The following MYH2 variants were observed in gnomAD, a reference collection of about 807,000 sequenced individuals.
The protein encoded by MYH2 is myosin heavy chain 2.
In MYH2, 139 loss-of-function variants were observed where a neutral mutation model predicts 228.1. The ratio of observed to expected loss-of-function variants is 0.61; its 90% CI spans 0.53 to 0.70. The LOEUF is 0.70. Among genes scored for constraint, MYH2 ranks in the 30% least tolerant of loss-of-function variants. MYH2 has a pLI of 0.00. For synonymous variants in MYH2, 796 were observed against 871.1 expected, an observed-to-expected ratio of 0.91 and a Z score of 1.52; for missense variants, 1,809 against 2,357.5, an observed-to-expected ratio of 0.77 and a Z score of 4.82.
At chr17:10,533,485 C>T (rs200094888) in intron 20 of MYH2, 24 bp downstream of exon 20, 1 of 1,614,164 alleles carries the variant, frequency 6.2e-7, no homozygotes, top group East Asian at 2.2e-5. Flanking sequence ...GGAATAGCAT[C>T]AGGTAGGATT....
chr17:10,540,750 CAAG>C (rs2142315021), intron 10 of MYH2, 53 bp from the exon 11 acceptor site: 1 of 1,462,056 alleles, frequency 6.8e-7, no homozygotes, highest in East Asian at 2.3e-5. Context: ...TTCATTAAAA[CAAG>C]AGATTTCTAG....
chr17:10,542,945 G>A lies in MYH2; in HGVS notation c.834C>T (p.Phe278=), dbSNP rs370416173. ...TYLLEKSRVV[F]QLKAERSYHI... ...GATAACTTCTCTCAGCCTTAAGCTG[G>A]AAAACAACTCTAGACTTCTCTAGCA... The change falls in exon 10 of 40, where the codon TTC becomes TTT. Residue 278 remains phenylalanine, a synonymous_variant. Coordinates refer to ENST00000245503, the MANE Select transcript of MYH2 (RefSeq NM_017534.6). 2.9e-4 allele frequency: 464 copies of A among 1,612,760 alleles called. 1 individual carries two copies. The Middle Eastern group carries it at 3.3e-3, about 11-fold the overall frequency.
intron 17 of MYH2, 57 bp from the exon 18 acceptor site, chr17:10,535,422 C>T: frequency 7.1e-7 from 1 of 1,406,876 alleles, no homozygotes. Context: ...TATGAGCAGT[C>T]ATTGGTGTCT....
At position 10,549,623 on chromosome 17, in the gene MYH2, T is replaced by C. The variant is rs886052576; in HGVS notation, c.-64+13A>G. ...AGTGTCCCTCTTGAAAGGCCCGTCC[T>C]GCTCCCACTTACCTTGGAGCTTTTT... On this transcript the variant is annotated intron_variant, in intron 1 of 39. Coordinates refer to ENST00000245503, the MANE Select transcript of MYH2 (RefSeq NM_017534.6). 2.0e-5 allele frequency: 3 copies of C among 152,352 alleles called. No individual in the cohort carries two copies. Among genetic ancestry groups the C allele is most frequent in the South Asian group, 4.1e-4 (2 of 4,828 alleles). 9.4% of individuals were successfully genotyped at this position (152,352 alleles called of 1,614,324 possible).
At chr17:10,534,038 C>A (rs1023448810) in intron 19 of MYH2, among the ~76,000 whole-genome samples, 2 of 152,204 alleles carry the variant, frequency 1.3e-5, no homozygotes, top group African/African-American at 4.8e-5. Context: ...ATCCTAATCA[C>A]CTAAAATCAA....
intron 5 of MYH2, 50 bp from the exon 6 acceptor site, chr17:10,544,177 A>T: frequency 6.3e-7 from 1 of 1,592,082 alleles, no homozygotes; most frequent in Non-Finnish European, 8.6e-7. Context: ...CATATTTGTA[A>T]ATGATAAGTA....
chr17:10,545,693 T>C (rs2073620417), intron 4 of MYH2, among the ~76,000 whole-genome samples, 191 bp from the exon 5 acceptor site: 1 of 152,164 alleles, frequency 6.6e-6, no homozygotes, highest in Non-Finnish European at 1.5e-5. Context: ...CCCTTCCAAG[T>C]AGCTGGTACT....
At position 10,547,832 on chromosome 17, in the gene MYH2, C is replaced by T. The variant is rs2073655335; in HGVS notation, c.89G>A (p.Arg30Lys). 2 of 1,614,188 alleles carry T rather than the reference C, an allele frequency of 1.2e-6. No homozygotes were observed. Among genetic ancestry groups the T allele is most frequent in the Non-Finnish European group, 1.7e-6 (2 of 1,180,040 alleles). The change falls in exon 3 of 40, where the codon AGG becomes AAG. Residue 30 changes from arginine to lysine, a missense_variant. Transcript: ENST00000245503. ...SERERIEAQN[R>K]PFDAKTSVFV... ...GACAGATGTTTTGGCATCAAAGGGC[C>T]TATTCTGGGCCTCAATGCGCTCCCT...
rs56139789 is a variant in MYH2, at chr17:10,540,359, CA to C, written c.1008+234del. On this transcript the variant is annotated intron_variant, in intron 11 of 39. Transcript: ENST00000245503. ...GTAGGAATCTAATGCAAGTCAATTG[CA>C]AAAAAAAAAAAATAGTTTAGAAATT... is the stretch of plus-strand genomic sequence containing the variant. Among the ~76,000 whole-genome samples the C allele has an allele frequency of 0.12, 18,445 of 149,116 alleles. 2,933 individuals carry two copies. The highest frequency in any genetic ancestry group is 0.37 in the African/African-American group (15,027 of 40,602).
At position 10,523,799 on chromosome 17, in the gene MYH2, G is replaced by A. The variant is rs747877150; in HGVS notation, c.5261C>T (p.Ala1754Val). The stretch of plus-strand genomic sequence containing the variant: ...CTTGGCCTTTTCTTCTGCATTGCGG[G>A]CTTCCTGGAGAATGTCCTCCATCTC... ...QGEMEDILQE[A>V]RNAEEKAKKA... is the part of the protein sequence containing the mutation. Residue 1754 changes from alanine to valine, a missense_variant, in exon 36 of 40, where the codon GCC becomes GTC. Transcript: ENST00000245503. 7 of 1,614,082 alleles carry A rather than the reference G, an allele frequency of 4.3e-6. No homozygotes were observed. Among genetic ancestry groups the A allele is most frequent in the Non-Finnish European group, 5.9e-6 (7 of 1,180,050 alleles).
chr17:10,523,770 C>T lies in MYH2; in HGVS notation c.5290G>A (p.Ala1764Thr). ...ARNAEEKAKK[A>T]ITDAAMMAEE... ...TGCCTGCCACTCACATCAGTGATGG[C>T]CTTCTTGGCCTTTTCTTCTGCATTG... Residue 1764 changes from alanine to threonine, a missense_variant, in exon 36 of 40, where the codon GCC becomes ACC. Physicochemically the swap from Ala to Thr is moderately conservative, Grantham distance 58 (BLOSUM62 0). Around this residue, in one of 9 missense-constraint regions of MYH2, gnomAD observed 278 missense variants for 308.5 expected, o/e 0.90. Coordinates refer to ENST00000245503, the MANE Select transcript of MYH2 (RefSeq NM_017534.6). The T allele has an allele frequency of 6.2e-7, 1 of 1,614,144 alleles. No homozygotes were observed. Among genetic ancestry groups the T allele is most frequent in the South Asian group, 1.1e-5 (1 of 91,078 alleles).
chr17:10,527,061 T>G lies in MYH2; in HGVS notation c.3872-5A>C. On this transcript the variant is annotated splice_region_variant and splice_polypyrimidine_tract_variant and intron_variant, in intron 28 of 39. Coordinates refer to ENST00000245503, the MANE Select transcript of MYH2 (RefSeq NM_017534.6). ...CAAGCTGGCGTGAAAACTCACCTGA[T>G]GGACAAAAGAAATGGCACCATTTTT... 6.2e-7 allele frequency: 1 copy of G among 1,612,846 alleles called. No individual in the cohort carries two copies. Among genetic ancestry groups the G allele is most frequent in the East Asian group, 2.2e-5 (1 of 44,854 alleles).
chr17:10,536,017 T>G lies in MYH2; in HGVS notation c.1974+513A>C, dbSNP rs570834012. Among the ~76,000 whole-genome samples the G allele has an allele frequency of 3.9e-5, 6 of 152,360 alleles. No homozygotes were observed. The South Asian group carries it at 6.2e-4, about 16-fold the overall frequency. Reference sequence around the variant, plus strand: ...CTAGATTATGAATGGCAGAGTATTATGGTCTATAAGATTTTCTATAAAATA... The same window carrying G: ...CTAGATTATGAATGGCAGAGTATTAGGGTCTATAAGATTTTCTATAAAATA... On this transcript the variant is annotated intron_variant, in intron 17 of 39. Coordinates refer to ENST00000245503, the MANE Select transcript of MYH2 (RefSeq NM_017534.6).
At chr17:10,548,028 G>T in intron 2 of MYH2, 88 bp from the exon 3 acceptor site, 1 of 1,182,120 alleles carries the variant, frequency 8.5e-7, no homozygotes, top group Non-Finnish European at 1.2e-6. Context: ...CATAGGCCCA[G>T]TTGGAAATTC....
chr17:10,543,842 G>C, intron 7 of MYH2, 39 bp from the exon 8 acceptor site: 1 of 1,613,954 alleles, frequency 6.2e-7, no homozygotes, highest in South Asian at 1.1e-5. Flanking sequence ...TGGGGCTTGG[G>C]AATTTCCTAC....
At chr17:10,536,486 A>T (rs2073483291) in intron 17 of MYH2, 44 bp downstream of exon 17, 1 of 1,560,072 alleles carries the variant, frequency 6.4e-7, no homozygotes, top group African/African-American at 1.4e-5. Flanking sequence ...TGTAAAAAAA[A>T]TCCCAAAGTA....
intron 4 of MYH2, among the ~76,000 whole-genome samples, chr17:10,545,834 C>G (rs2073622172): frequency 6.6e-6 from 1 of 152,076 alleles, no homozygotes; most frequent in Non-Finnish European, 1.5e-5. Flanking sequence ...AGTGAGTACT[C>G]TTATTTCTTC....
At chr17:10,526,535 G>T (rs560654469) in intron 30 of MYH2, 64 bp downstream of exon 30, 4 of 1,603,200 alleles carry the variant, frequency 2.5e-6, no homozygotes, top group Non-Finnish European at 3.4e-6. Context: ...AATCTTCAAA[G>T]GTCATGTCTT....
In MYH2 at chr17:10,521,240, T is replaced by A. The variant is rs988174478; in HGVS notation, c.*40A>T. 21 of 1,608,620 alleles carry A rather than the reference T, an allele frequency of 1.3e-5. No homozygotes were observed. In the Admixed American group the frequency reaches 1.3e-4, roughly 10 times the overall value. Reference sequence around the variant, plus strand: ...GGGAAATGACCAAAGATGTCACATTTTGTGCCTGTCTTCAGTCATTCCATG... The same window carrying A: ...GGGAAATGACCAAAGATGTCACATTATGTGCCTGTCTTCAGTCATTCCATG... On this transcript the variant is annotated 3_prime_UTR_variant, in exon 40 of 40. Coordinates refer to ENST00000245503, the MANE Select transcript of MYH2 (RefSeq NM_017534.6).
Sources: allele counts gnomAD v4.1 joint callset (sites outside exome capture counted in the v4.1 genomes callset), GRCh38; gene constraint gnomAD v4.1.1; regional missense constraint gnomAD v4.1.1; transcripts MANE v1.5; gene names NCBI Gene and HGNC (gene_info 2026-07-23, HGNC 2026-07-21).